Variants in PLCB4 observed in about 807,000 individuals in gnomAD.
PLCB4 encodes the protein 1-phosphatidylinositol 4,5-bisphosphate phosphodiesterase beta-4.
In PLCB4, 77 loss-of-function variants were observed where a neutral mutation model predicts 178.8. The ratio of observed to expected loss-of-function variants is 0.43; its 90% CI spans 0.36 to 0.52. The LOEUF (loss-of-function observed/expected upper bound fraction) is 0.52, where lower values mean the gene tolerates loss of function less well. PLCB4 is among the 20% of genes least tolerant of loss of function. The pLI is 0.00. For missense variants in PLCB4, 1,024 were observed against 1,453.4 expected (o/e 0.70, Z 4.80); for synonymous variants, 496 against 490.8 (o/e 1.01, Z -0.14).
At chr20:9,284,699 A>T (rs1402960657) in intron 3 of PLCB4, among the ~76,000 whole-genome samples, 1 of 151,990 alleles carries the variant, frequency 6.6e-6, no homozygotes, top group Non-Finnish European at 1.5e-5. Flanking sequence ...ACATGTATAG[A>T]AATACCTTCT....
At chr20:9,116,353 A>G (rs1371865203) in intron 2 of PLCB4, among the ~76,000 whole-genome samples, 3 of 152,126 alleles carry the variant, frequency 2.0e-5, no homozygotes, top group Admixed American at 2.0e-4. Flanking sequence ...TATAAGATAT[A>G]TATGTGTGCA....
intron 4 of PLCB4, among the ~76,000 whole-genome samples, chr20:9,308,245 C>G (rs1216133087): frequency 6.6e-6 from 1 of 152,176 alleles, no homozygotes; most frequent in Non-Finnish European, 1.5e-5. Flanking sequence ...GGCAGTCATT[C>G]TACATTTAAC....
At chr20:9,464,829 T>G (rs1265181152) in intron 35 of PLCB4, among the ~76,000 whole-genome samples, 1 of 152,134 alleles carries the variant, frequency 6.6e-6, no homozygotes, top group African/African-American at 2.4e-5. Flanking sequence ...CCAGACAGAT[T>G]CACAGCCGAA....
chr20:9,286,989 A>G (rs911864186), intron 3 of PLCB4, among the ~76,000 whole-genome samples: 3 of 151,994 alleles, frequency 2.0e-5, no homozygotes, highest in Admixed American at 2.0e-4. Context: ...ATGTTTTGAG[A>G]TAGTGGGTGC....
intron 2 of PLCB4, among the ~76,000 whole-genome samples, chr20:9,157,690 A>AT (rs2092813932): frequency 6.6e-6 from 1 of 152,180 alleles, no homozygotes; most frequent in Non-Finnish European, 1.5e-5. Context: ...TCCTTCTCTT[A>AT]TGTTGTAATT....
At chr20:9,081,959 T>C (rs1366410131) in intron 1 of PLCB4, among the ~76,000 whole-genome samples, 1 of 151,766 alleles carries the variant, frequency 6.6e-6, no homozygotes, top group African/African-American at 2.4e-5. Flanking sequence ...TTGTAATCAG[T>C]ATACTAGATC....
intron 1 of PLCB4, among the ~76,000 whole-genome samples, chr20:9,069,640 G>T (rs1484024514): frequency 1.3e-5 from 2 of 152,156 alleles, no homozygotes; most frequent in African/African-American, 2.4e-5. Context: ...ACTCATTGGG[G>T]GCAGGGTTCG....
At chr20:9,402,595 G>A (rs2039112942) in intron 20 of PLCB4, among the ~76,000 whole-genome samples, 1 of 152,226 alleles carries the variant, frequency 6.6e-6, no homozygotes, top group Non-Finnish European at 1.5e-5. Context: ...GGAAACAGGA[G>A]TGGAAGCAGG....
At chr20:9,081,334 T>C (rs752296988) in intron 1 of PLCB4, among the ~76,000 whole-genome samples, 1 of 152,250 alleles carries the variant, frequency 6.6e-6, no homozygotes, top group Non-Finnish European at 1.5e-5. Context: ...ATTTGCCAAA[T>C]GTAAGCCATC....
At chr20:9,339,820 T>C (rs1029764250) in intron 7 of PLCB4, among the ~76,000 whole-genome samples, 1 of 152,152 alleles carries the variant, frequency 6.6e-6, no homozygotes, top group Non-Finnish European at 1.5e-5. Context: ...TTAAGATCAG[T>C]CTTTTAATAC....
In PLCB4 at chr20:9,425,956, A is replaced by G. The variant is rs574734567; in HGVS notation, c.2524+2004A>G. On this transcript the variant is annotated intron_variant, in intron 28 of 39. Coordinates refer to ENST00000378473, the MANE Select transcript of PLCB4 (RefSeq NM_001377142.1). ...TACTTATATTTTCCCTGTTTAGCCA[A>G]CCTCCCACATTCATATCTCAGTGTG... 2.6e-5 allele frequency among the ~76,000 whole-genome samples: 4 copies of G among 152,042 alleles called. No homozygotes were observed. The South Asian group carries it at 6.3e-4, about 24-fold the overall frequency.
At chr20:9,088,162 GCTTTT>G (rs71331362) in intron 1 of PLCB4, among the ~76,000 whole-genome samples, 65 of 142,754 alleles carry the variant, frequency 4.6e-4, no homozygotes, top group Non-Finnish European at 4.8e-4. Context: ...ATTTATTATG[GCTTTT>G]CTTTTCTTTT....
intron 25 of PLCB4, among the ~76,000 whole-genome samples, chr20:9,411,566 G>A (rs553395841): frequency 6.6e-6 from 1 of 152,268 alleles, no homozygotes; most frequent in Admixed American, 6.5e-5. Context: ...TGTCTTGTAA[G>A]TAGCAGTTAT....
intron 30 of PLCB4, among the ~76,000 whole-genome samples, chr20:9,438,281 G>A (rs943020335): frequency 6.6e-6 from 1 of 152,050 alleles, no homozygotes; most frequent in Non-Finnish European, 1.5e-5. Context: ...CAGGAGAATG[G>A]CGTGAGCCCG....
intron 4 of PLCB4, among the ~76,000 whole-genome samples, chr20:9,318,818 T>C (rs2094928715): frequency 6.6e-6 from 1 of 152,230 alleles, no homozygotes; most frequent in Non-Finnish European, 1.5e-5. Context: ...CAAGTACTAC[T>C]GTACTATGCT....
At chr20:9,133,716 G>A (rs1038085368) in intron 2 of PLCB4, among the ~76,000 whole-genome samples, 7 of 152,188 alleles carry the variant, frequency 4.6e-5, no homozygotes, top group Non-Finnish European at 1.0e-4. Context: ...TGCATAAGTG[G>A]ATAGCTGACC....
intron 2 of PLCB4, among the ~76,000 whole-genome samples, chr20:9,214,401 C>G (rs1006219583): frequency 1.3e-5 from 2 of 152,104 alleles, no homozygotes; most frequent in African/African-American, 4.8e-5. Context: ...CTGTCTCTCC[C>G]CATTGAATGG....
At chr20:9,173,068 C>T (rs535964531) in intron 2 of PLCB4, among the ~76,000 whole-genome samples, 1 of 152,268 alleles carries the variant, frequency 6.6e-6, no homozygotes, top group South Asian at 2.1e-4. Flanking sequence ...GCTTGCAGTG[C>T]CTCCTGGCTG....
rs1307714503 is a variant in PLCB4, at chr20:9,204,060, G to A, written c.-78-13330G>A. 4.6e-5 allele frequency among the ~76,000 whole-genome samples: 7 copies of A among 151,586 alleles called. No individual in the cohort carries two copies. The East Asian group carries it at 1.4e-3, about 29-fold the overall frequency. ...CCCACAGTTGCGTGGCTCTGAACAG[G>A]AAACCCATAAGGCTTTCTTATTTTA... On this transcript the variant is annotated intron_variant, in intron 2 of 39. Transcript: ENST00000378473.
Sources: gnomAD v4.1 joint callset for allele counts (sites outside exome capture counted in the v4.1 genomes callset) on GRCh38, gnomAD v4.1.1 for gene constraint, MANE v1.5 for transcripts, NCBI Gene and HGNC (gene_info 2026-07-23, HGNC 2026-07-21) for gene names.